Variants in TMOD3 observed in about 807,000 individuals in gnomAD.
The protein encoded by TMOD3 is tropomodulin-3.
A neutral mutation model predicts 39.2 loss-of-function variants in TMOD3; 20 were observed. The ratio of observed to expected loss-of-function variants is 0.51; its 90% CI spans 0.36 to 0.74. The LOEUF (loss-of-function observed/expected upper bound fraction) is 0.74. Ranked by LOEUF, TMOD3 falls within the 30% of genes least tolerant of loss-of-function variation. The pLI is 0.00. For synonymous variants in TMOD3, 143 were observed against 145.8 expected (o/e 0.98, Z 0.14); for missense variants, 381 against 412.8 (o/e 0.92, Z 0.67).
At chr15:51,897,830 C>G (rs1430407641) in intron 7 of TMOD3, among the ~76,000 whole-genome samples, 3 of 151,798 alleles carry the variant, frequency 2.0e-5, no homozygotes, top group Non-Finnish European at 4.4e-5. Flanking sequence ...CTCGACATCC[C>G]TTTCTTGCAA....
chr15:51,860,504 T>C (rs1595895634), intron 1 of TMOD3: 1 of 575,426 alleles, frequency 1.7e-6, no homozygotes, highest in Non-Finnish European at 3.4e-6. Flanking sequence ...ATAGTTGCCT[T>C]GCACTTTCTG....
At chr15:51,843,925 A>G (rs1350933897) in intron 1 of TMOD3, among the ~76,000 whole-genome samples, 2 of 151,114 alleles carry the variant, frequency 1.3e-5, no homozygotes, top group Non-Finnish European at 2.9e-5. Flanking sequence ...CTGAAATTCT[A>G]ATATGACTGT....
chr15:51,838,171 A>G (rs943966939), intron 1 of TMOD3, among the ~76,000 whole-genome samples: 21 of 151,754 alleles, frequency 1.4e-4, no homozygotes, highest in African/African-American at 5.1e-4. Context: ...AACCTTTTTC[A>G]GCCTGTGCTT....
intron 2 of TMOD3, among the ~76,000 whole-genome samples, chr15:51,865,018 A>C (rs557046301): frequency 2.0e-5 from 3 of 151,980 alleles, no homozygotes; most frequent in African/African-American, 7.3e-5. Flanking sequence ...CCCAATTCTC[A>C]CTCTGTTCCT....
chr15:51,873,129 G>A (rs1450317081), intron 3 of TMOD3, among the ~76,000 whole-genome samples: 1 of 152,128 alleles, frequency 6.6e-6, no homozygotes, highest in African/African-American at 2.4e-5. Flanking sequence ...CCTTAGTCAC[G>A]AATATGCCTT....
At position 51,862,959 on chromosome 15, in the gene TMOD3, A is replaced by G; in HGVS notation, c.75A>G (p.Ser25=). Residue 25 remains serine (S), a synonymous_variant, in exon 2 of 10, where the codon TCA becomes TCG. Transcript: ENST00000308580. ...AAGATGAGCTCCTTGGGAATCTGTCAGAAACAGAACTGAAACAACTGGAAA... is the reference window on the plus strand; with the variant it reads ...AAGATGAGCTCCTTGGGAATCTGTCGGAAACAGAACTGAAACAACTGGAAA... ...LDEDELLGNL[S]ETELKQLETV... is the part of the protein sequence containing the mutation. The G allele has an allele frequency of 6.2e-7, 1 of 1,614,110 alleles. No homozygotes were observed. Among genetic ancestry groups the G allele is most frequent in the East Asian group, 2.2e-5 (1 of 44,880 alleles).
At chr15:51,898,857 T>C (rs2056634560) in intron 7 of TMOD3, among the ~76,000 whole-genome samples, 1 of 152,174 alleles carries the variant, frequency 6.6e-6, no homozygotes, top group Non-Finnish European at 1.5e-5. Context: ...TACCTCTGTC[T>C]CTTTTTCTTT....
intron 3 of TMOD3, among the ~76,000 whole-genome samples, chr15:51,880,601 T>A (rs78818691): frequency 0.013 from 1,984 of 152,344 alleles, 44 homozygotes; most frequent in African/African-American, 0.046. Flanking sequence ...TATTTATGGC[T>A]GACTTCTTTC....
At chr15:51,895,765 T>G (rs1363117986) in intron 6 of TMOD3, among the ~76,000 whole-genome samples, 1 of 152,192 alleles carries the variant, frequency 6.6e-6, no homozygotes, top group African/African-American at 2.4e-5. Context: ...GATGGACTCC[T>G]TCATTTCTTT....
At chr15:51,846,092 G>T (rs369996494) in intron 1 of TMOD3, among the ~76,000 whole-genome samples, 1 of 150,428 alleles carries the variant, frequency 6.6e-6, no homozygotes, top group African/African-American at 2.4e-5. Flanking sequence ...GAGGCAGATG[G>T]ATTACTTGAG....
At chr15:51,879,809 C>T (rs982350638) in intron 3 of TMOD3, among the ~76,000 whole-genome samples, 1 of 150,008 alleles carries the variant, frequency 6.7e-6, no homozygotes, top group African/African-American at 2.5e-5. Context: ...TTTAGTCTTC[C>T]TAGGTTGCTA....
rs144631124 is a variant in TMOD3, at chr15:51,904,002, A to T, written c.1024+1966A>T. Among the ~76,000 whole-genome samples, 39 of 152,342 alleles carry T rather than the reference A, an allele frequency of 2.6e-4. 1 individual carries two copies. The highest frequency in any genetic ancestry group is 8.7e-4 in the African/African-American group (36 of 41,582). ...TGTTATGCAGGATAAGCTGAGGCTCAAAGAAGTTAACTAACTTGCCAAAAA... is the reference window on the plus strand; with the variant it reads ...TGTTATGCAGGATAAGCTGAGGCTCTAAGAAGTTAACTAACTTGCCAAAAA... On this transcript the variant is annotated intron_variant, in intron 9 of 9. Coordinates refer to ENST00000308580, the MANE Select transcript of TMOD3 (RefSeq NM_014547.5).
rs1415916089 is a variant in TMOD3, at chr15:51,910,215, G to A, written c.*1405G>A. The A allele has an allele frequency of 1.3e-5, 2 of 152,190 alleles. No homozygotes were observed. Among genetic ancestry groups the A allele is most frequent in the Non-Finnish European group, 2.9e-5 (2 of 68,032 alleles). 9.4% of individuals were successfully genotyped at this position (152,190 alleles called of 1,614,324 possible). On this transcript the variant is annotated 3_prime_UTR_variant, in exon 10 of 10. Coordinates refer to ENST00000308580, the MANE Select transcript of TMOD3 (RefSeq NM_014547.5). ...CAGGCCTGGCTGTATCATTTACAGA[G>A]ATTTTTCTGGAGGGAAAAGTCTCAT...
At chr15:51,882,655 G>A (rs576768986) in intron 3 of TMOD3, among the ~76,000 whole-genome samples, 1 of 152,194 alleles carries the variant, frequency 6.6e-6, no homozygotes, top group Admixed American at 6.5e-5. Flanking sequence ...TGGATTTTTG[G>A]TTATATTCTA....
Position 51,876,710 on chromosome 15 carries a change from C to T in TMOD3, c.283+7337C>T, listed in dbSNP as rs186744493. Among the ~76,000 whole-genome samples, 523 of 152,152 alleles carry T rather than the reference C, an allele frequency of 3.4e-3. 2 individuals carry two copies. The highest frequency in any genetic ancestry group is 0.012 in the African/African-American group (510 of 41,520). ...TCTCCTGACCTCGTGATCCACCTGC[C>T]TCAGCCTCCCAAAGTGCTGGGATTA... is the stretch of plus-strand genomic sequence containing the variant. On this transcript the variant is annotated intron_variant, in intron 3 of 9. Coordinates refer to ENST00000308580, the MANE Select transcript of TMOD3 (RefSeq NM_014547.5).
intron 5 of TMOD3, among the ~76,000 whole-genome samples, 168 bp from the exon 6 acceptor site, chr15:51,893,647 C>A (rs2056605989): frequency 6.6e-6 from 1 of 152,118 alleles, no homozygotes; most frequent in Non-Finnish European, 1.5e-5. Context: ...CACCTGTAGT[C>A]CCAGCTACTC....
intron 9 of TMOD3, among the ~76,000 whole-genome samples, chr15:51,903,035 C>G (rs919271316): frequency 1.4e-4 from 21 of 152,150 alleles, no homozygotes; most frequent in African/African-American, 2.7e-4. Context: ...CCACCCGCCT[C>G]GGCCTCCCAA....
At chr15:51,868,211 A>G (rs1024893525) in intron 2 of TMOD3, among the ~76,000 whole-genome samples, 16 of 152,236 alleles carry the variant, frequency 1.1e-4, no homozygotes, top group African/African-American at 3.6e-4. Context: ...ATGAAGGAAT[A>G]TAATGTACAG....
intron 1 of TMOD3, among the ~76,000 whole-genome samples, chr15:51,846,807 T>C (rs536190076): frequency 2.0e-5 from 3 of 152,198 alleles, no homozygotes; most frequent in Non-Finnish European, 4.4e-5. Context: ...TTCTTTTTTT[T>C]AAAGATATTT....
Sources: gnomAD v4.1 joint callset for allele counts (sites outside exome capture counted in the v4.1 genomes callset) on GRCh38, gnomAD v4.1.1 for gene constraint, MANE v1.5 for transcripts, NCBI Gene and HGNC (gene_info 2026-07-23, HGNC 2026-07-21) for gene names.